Variants in LRP1B observed in about 807,000 individuals in gnomAD.
LRP1B encodes the protein LDL receptor related protein 1B.
Under a neutral mutation model 556.6 loss-of-function variants are expected in LRP1B, and 217 were observed. The ratio of observed to expected loss-of-function variants is 0.39; its 90% CI spans 0.35 to 0.44. The LOEUF (loss-of-function observed/expected upper bound fraction) is 0.44, where lower values mean the gene tolerates loss of function less well. LRP1B is among the 20% of genes least tolerant of loss of function. The probability of loss-of-function intolerance (pLI) is 1.00; values close to 1 mark genes in which losing one functional copy is unlikely to be tolerated. For synonymous variants in LRP1B, 2,047 were observed against 1,865.8 expected (o/e 1.10, Z -2.50); for missense variants, 5,053 against 5,620.8 (o/e 0.90, Z 3.23).
At chr2:140,716,229 T>A in intron 36 of LRP1B, 127 bp from the exon 37 acceptor site, 1 of 645,950 alleles carries the variant, frequency 1.5e-6, no homozygotes, top group Non-Finnish European at 2.6e-6. Flanking sequence ...ACATTCTTTT[T>A]AAATGTGTTT....
intron 7 of LRP1B, among the ~76,000 whole-genome samples, chr2:141,098,428 T>C (rs2104931851): frequency 6.6e-6 from 1 of 152,316 alleles, no homozygotes; most frequent in Non-Finnish European, 1.5e-5. Flanking sequence ...GTCACTGTTT[T>C]TATTATGTAA....
rs142274588 is a variant in LRP1B, at chr2:141,916,261, T to C, written c.83-105860A>G. ...CCCAGCCATAAAAAATGAAATCATG[T>C]ATTTTGCAGCACCATGGATGCACCA... On this transcript the variant is annotated intron_variant, in intron 1 of 90. Transcript: ENST00000389484. 6.0e-3 allele frequency among the ~76,000 whole-genome samples: 920 copies of C among 152,296 alleles called. 11 individuals are homozygous for C. The highest frequency in any genetic ancestry group is 0.02 in the African/African-American group (833 of 41,548).
At chr2:142,024,347 C>T (rs1214467336) in intron 1 of LRP1B, among the ~76,000 whole-genome samples, 1 of 152,174 alleles carries the variant, frequency 6.6e-6, no homozygotes, top group Admixed American at 6.5e-5. Flanking sequence ...TAACTTTGAC[C>T]TGCATCAGAG....
At chr2:141,355,611 C>CACG (rs1334001399) in intron 3 of LRP1B, among the ~76,000 whole-genome samples, 5 of 152,008 alleles carry the variant, frequency 3.3e-5, no homozygotes, top group Non-Finnish European at 7.4e-5. Context: ...GTAAGGCAAC[C>CACG]AACTTCAATT....
intron 41 of LRP1B, among the ~76,000 whole-genome samples, chr2:140,687,434 T>C (rs1163490493): frequency 6.6e-6 from 1 of 152,144 alleles, no homozygotes; most frequent in African/African-American, 2.4e-5. Context: ...ATCCTAGGCG[T>C]TGCAAATAAG....
chr2:140,279,611 A>G (rs1682829680), intron 84 of LRP1B, among the ~76,000 whole-genome samples: 1 of 151,918 alleles, frequency 6.6e-6, no homozygotes, highest in Non-Finnish European at 1.5e-5. Context: ...CAGTTCAGCT[A>G]TTTATCTAAT....
chr2:140,625,279 T>C (rs1683615602), intron 41 of LRP1B, among the ~76,000 whole-genome samples: 1 of 152,170 alleles, frequency 6.6e-6, no homozygotes, highest in Non-Finnish European at 1.5e-5. Flanking sequence ...GTATTTTGAA[T>C]CTAGATAAAA....
At chr2:140,995,919 G>T (rs2105361772) in intron 15 of LRP1B, among the ~76,000 whole-genome samples, 1 of 152,032 alleles carries the variant, frequency 6.6e-6, no homozygotes, top group East Asian at 2.0e-4. Context: ...GAGAATATGT[G>T]GCAATCAAGG....
chr2:142,054,360 A>G (rs1704580926), intron 1 of LRP1B, among the ~76,000 whole-genome samples: 1 of 152,208 alleles, frequency 6.6e-6, no homozygotes, highest in African/African-American at 2.4e-5. Flanking sequence ...ATTCCCCTAC[A>G]TGTTGTCCCA....
intron 43 of LRP1B, among the ~76,000 whole-genome samples, chr2:140,592,019 T>C (rs1682247022): frequency 6.6e-6 from 1 of 152,188 alleles, no homozygotes; most frequent in East Asian, 1.9e-4. Context: ...ATGATGAGTC[T>C]ATGCATGTGA....
chr2:140,516,906 C>T lies in LRP1B; in HGVS notation c.8132G>A (p.Arg2711His), dbSNP rs144058807. The stretch of plus-strand genomic sequence containing the variant: ...TGTCTCACCACAGTGGAATTCATCA[C>T]GTCCATCCTCACAATCTTTCTGACC... Reference protein sequence around the residue: ...CDGQKDCEDGRDEFHCDSSCS... With the variant: ...CDGQKDCEDGHDEFHCDSSCS... The change falls in exon 50 of 91, where the codon CGT (arginine) becomes CAT (histidine). Residue 2711 changes from arginine to histidine, a missense_variant. Physicochemically the swap from Arg to His is conservative, Grantham distance 29 (BLOSUM62 0). This residue lies in a region of LRP1B where 3,619 missense variants were observed against 3,931.9 expected (regional missense o/e 0.92). Coordinates refer to ENST00000389484, the MANE Select transcript of LRP1B (RefSeq NM_018557.3). 53 of 1,613,236 alleles carry T rather than the reference C, an allele frequency of 3.3e-5. No individual in the cohort carries two copies. Among genetic ancestry groups the T allele is most frequent in the Admixed American group, 5.0e-5 (3 of 59,938 alleles).
At chr2:141,446,884 T>C (rs1234774357) in intron 3 of LRP1B, among the ~76,000 whole-genome samples, 3 of 152,142 alleles carry the variant, frequency 2.0e-5, no homozygotes, top group South Asian at 2.1e-4. Flanking sequence ...CTGACAGTTA[T>C]GTGTCTTGGG....
chr2:140,833,357 T>C (rs1326585299), intron 31 of LRP1B, among the ~76,000 whole-genome samples: 1 of 152,184 alleles, frequency 6.6e-6, no homozygotes, highest in Non-Finnish European at 1.5e-5. Context: ...TCTTTACCAT[T>C]GTCACTTGGC....
intron 2 of LRP1B, among the ~76,000 whole-genome samples, chr2:141,539,763 G>A (rs1685188858): frequency 6.6e-6 from 1 of 152,050 alleles, no homozygotes; most frequent in Non-Finnish European, 1.5e-5. Flanking sequence ...AAGTAAATAA[G>A]CAAGGTATTG....
At chr2:142,008,329 C>G (rs1056833223) in intron 1 of LRP1B, among the ~76,000 whole-genome samples, 1 of 152,084 alleles carries the variant, frequency 6.6e-6, no homozygotes, top group African/African-American at 2.4e-5. Flanking sequence ...AAAGAAAGGC[C>G]CTAGTGATGC....
intron 41 of LRP1B, among the ~76,000 whole-genome samples, chr2:140,680,102 A>G (rs1685809735): frequency 6.6e-6 from 1 of 152,044 alleles, no homozygotes; most frequent in Admixed American, 6.6e-5. Context: ...TCATTCTTAC[A>G]CATACACCTC....
At chr2:141,286,480 A>G (rs1470500677) in intron 3 of LRP1B, among the ~76,000 whole-genome samples, 1 of 152,200 alleles carries the variant, frequency 6.6e-6, no homozygotes, top group East Asian at 1.9e-4. Context: ...GCCTCATAAA[A>G]TGAATTGGGA....
At chr2:141,040,035 C>A (rs1698651495) in intron 11 of LRP1B, among the ~76,000 whole-genome samples, 1 of 152,038 alleles carries the variant, frequency 6.6e-6, no homozygotes, top group African/African-American at 2.4e-5. Flanking sequence ...TCTTGACACT[C>A]AGTGTGATAA....
intron 7 of LRP1B, among the ~76,000 whole-genome samples, chr2:141,155,784 C>T (rs1184865508): frequency 6.6e-6 from 1 of 152,048 alleles, no homozygotes; most frequent in Non-Finnish European, 1.5e-5. Flanking sequence ...TTATGTGATA[C>T]AATTTTAAAA....
Sources: gnomAD v4.1 joint callset for allele counts (sites outside exome capture counted in the v4.1 genomes callset) on GRCh38, gnomAD v4.1.1 for gene constraint, gnomAD v4.1.1 regional missense constraint, MANE v1.5 for transcripts, NCBI Gene and HGNC (gene_info 2026-07-23, HGNC 2026-07-21) for gene names.